Variants in ABAT observed in about 807,000 individuals in gnomAD.
ABAT encodes the protein 4-aminobutyrate aminotransferase.
ABAT carries 45 observed loss-of-function variants against 64.6 expected under a neutral mutation model. The ratio of observed to expected loss-of-function variants is 0.70; its 90% CI spans 0.55 to 0.89. The LOEUF is 0.89. Among genes scored for constraint, ABAT ranks in the 40% least tolerant of loss-of-function variants. ABAT has a pLI of 0.00. For missense variants in ABAT, 633 were observed against 658.4 expected (o/e 0.96, Z 0.42); for synonymous variants, 297 against 250.5 (o/e 1.19, Z -1.75).
intron 1 of ABAT, among the ~76,000 whole-genome samples, chr16:8,677,516 G>A (rs2057231829): frequency 6.6e-6 from 1 of 152,186 alleles, no homozygotes; most frequent in Non-Finnish European, 1.5e-5. Flanking sequence ...TTGGACATCA[G>A]AAAAGAGACA....
chr16:8,701,841 T>G (rs2057830483), intron 1 of ABAT, among the ~76,000 whole-genome samples: 1 of 141,380 alleles, frequency 7.1e-6, no homozygotes, highest in Admixed American at 7.2e-5. Context: ...TTTTGGGGAG[T>G]GGAATGGGCA....
At position 8,768,898 on chromosome 16, in the gene ABAT, G is replaced by T. The variant is rs201170840; in HGVS notation, c.741G>T (p.Pro247=). 1.9e-6 allele frequency: 3 copies of T among 1,614,008 alleles called. No individual in the cohort carries two copies. The highest frequency in any genetic ancestry group is 2.5e-6 in the Non-Finnish European group (3 of 1,180,042). The change falls in exon 11 of 16, where the codon CCG becomes CCT. Residue 247 remains proline (P), a synonymous_variant. Transcript: ENST00000268251. ...DIPSFDWPIA[P]FPRLKYPLEE... ...CTTCCTTTGACTGGCCCATCGCACC[G>T]TTCCCACGGCTGAAATACCCTCTGG...
intron 1 of ABAT, among the ~76,000 whole-genome samples, chr16:8,692,671 C>G (rs1014427087): frequency 2.0e-5 from 3 of 152,274 alleles, no homozygotes; most frequent in Admixed American, 1.3e-4. Context: ...CATGGTATGC[C>G]AAAGGTCACT....
At chr16:8,754,065 G>A (rs2059568804) in intron 5 of ABAT, among the ~76,000 whole-genome samples, 1 of 151,138 alleles carries the variant, frequency 6.6e-6, no homozygotes, top group African/African-American at 2.4e-5. Context: ...AATGTATTTG[G>A]ATGGACACAG....
Position 8,770,830 on chromosome 16 carries a change from C to T in ABAT, c.816+1857C>T, listed in dbSNP as rs948880581. Among the ~76,000 whole-genome samples the T allele has an allele frequency of 5.3e-5, 8 of 152,104 alleles. No homozygotes were observed. The South Asian group carries it at 1.0e-3, about 20-fold the overall frequency. On this transcript the variant is annotated intron_variant, in intron 11 of 15. Coordinates refer to ENST00000268251, the MANE Select transcript of ABAT (RefSeq NM_020686.6). ...ACCGAATATATTCAAAATATTATCA[C>T]GTAAATGTGTAATTAGTATTTTTAA...
chr16:8,752,799 GTTCT>G (rs2059527795), intron 5 of ABAT, among the ~76,000 whole-genome samples: 1 of 152,134 alleles, frequency 6.6e-6, no homozygotes, highest in African/African-American at 2.4e-5. Context: ...AATTCTAGAA[GTTCT>G]AAAAGTTCTC....
At chr16:8,757,905 TCA>T in intron 6 of ABAT, 99 bp downstream of exon 6, 30 of 1,341,940 alleles carry the variant, frequency 2.2e-5, no homozygotes, top group Non-Finnish European at 2.8e-5. Flanking sequence ...ATTCATTCAT[TCA>T]TTCCATAAAT....
intron 14 of ABAT, among the ~76,000 whole-genome samples, chr16:8,778,776 C>CAAA (rs71152934): frequency 8.0e-4 from 107 of 133,632 alleles, no homozygotes; most frequent in Middle Eastern, 3.8e-3. Context: ...GACTCCATCT[C>CAAA]AAAAAAAAAA....
At chr16:8,728,339 G>C (rs1204858134) in intron 1 of ABAT, among the ~76,000 whole-genome samples, 1 of 152,174 alleles carries the variant, frequency 6.6e-6, no homozygotes, top group Non-Finnish European at 1.5e-5. Flanking sequence ...GAAAACGTGT[G>C]GGATTGGCTC....
At chr16:8,692,946 C>A (rs897371898) in intron 1 of ABAT, among the ~76,000 whole-genome samples, 1 of 152,170 alleles carries the variant, frequency 6.6e-6, no homozygotes, top group Non-Finnish European at 1.5e-5. Context: ...CTCCACCTCC[C>A]AGGTTCAAAT....
At chr16:8,700,831 C>G (rs2057805260) in intron 1 of ABAT, among the ~76,000 whole-genome samples, 1 of 152,018 alleles carries the variant, frequency 6.6e-6, no homozygotes, top group African/African-American at 2.4e-5. Flanking sequence ...GTCTTGAGCT[C>G]CCTGGCTCAA....
intron 1 of ABAT, among the ~76,000 whole-genome samples, chr16:8,688,429 C>G (rs1018885675): frequency 2.0e-5 from 3 of 152,104 alleles, no homozygotes; most frequent in Non-Finnish European, 2.9e-5. Context: ...GACTTAGAAG[C>G]CCTCCTCCTT....
intron 11 of ABAT, among the ~76,000 whole-genome samples, chr16:8,772,248 G>GAA (rs2060129903): frequency 1.1e-5 from 1 of 94,366 alleles, no homozygotes; most frequent in Admixed American, 1.3e-4. Flanking sequence ...TTTTCTCTCT[G>GAA]TCTCTGTGTG....
chr16:8,718,126 G>T (rs1249220686), intron 1 of ABAT, among the ~76,000 whole-genome samples: 1 of 152,176 alleles, frequency 6.6e-6, no homozygotes, highest in Non-Finnish European at 1.5e-5. Flanking sequence ...CAGTCTCATA[G>T]CGCTGATGAT....
At chr16:8,690,818 T>C (rs2057561698) in intron 1 of ABAT, among the ~76,000 whole-genome samples, 1 of 152,176 alleles carries the variant, frequency 6.6e-6, no homozygotes, top group Non-Finnish European at 1.5e-5. Flanking sequence ...ATTAAATGGG[T>C]CTGCCCCTTG....
intron 5 of ABAT, among the ~76,000 whole-genome samples, chr16:8,755,863 C>G (rs1238782663): frequency 1.3e-5 from 2 of 152,144 alleles, no homozygotes; most frequent in Non-Finnish European, 2.9e-5. Flanking sequence ...TCCTGGGTAA[C>G]ACGATGAAAC....
chr16:8,675,153 G>A (rs1281224841), intron 1 of ABAT, among the ~76,000 whole-genome samples: 2 of 151,722 alleles, frequency 1.3e-5, no homozygotes, highest in African/African-American at 4.8e-5. Context: ...CCCCCTCCAT[G>A]ACAAATGGAA....
intron 1 of ABAT, among the ~76,000 whole-genome samples, chr16:8,692,164 TA>T (rs1277184232): frequency 2.6e-5 from 4 of 152,014 alleles, no homozygotes; most frequent in African/African-American, 9.7e-5. Context: ...GAGGATCACT[TA>T]AGGCCAGGAG....
At chr16:8,753,670 C>A (rs1024690793) in intron 5 of ABAT, among the ~76,000 whole-genome samples, 3 of 152,194 alleles carry the variant, frequency 2.0e-5, no homozygotes, top group Admixed American at 2.0e-4. Flanking sequence ...CCTTTGGCCC[C>A]GAAACAGTTG....
Sources: gnomAD v4.1 joint callset for allele counts (sites outside exome capture counted in the v4.1 genomes callset) on GRCh38, gnomAD v4.1.1 for gene constraint, MANE v1.5 for transcripts, NCBI Gene and HGNC (gene_info 2026-07-23, HGNC 2026-07-21) for gene names.